Variants in COL5A2 observed in about 807,000 individuals in gnomAD.
COL5A2 encodes the protein collagen type V alpha 2 chain.
COL5A2 carries 23 observed loss-of-function variants against 208.2 expected under a neutral mutation model. That is an observed-to-expected ratio of 0.11 (90% CI 0.08 to 0.16). The LOEUF (loss-of-function observed/expected upper bound fraction) is 0.16. Among genes scored for constraint, COL5A2 ranks in the 10% least tolerant of loss-of-function variants. The pLI is 1.00. For missense variants in COL5A2, 1,590 were observed against 1,956.4 expected (o/e 0.81, Z 3.53); for synonymous variants, 625 against 628.5 (o/e 0.99, Z 0.08).
intron 1 of COL5A2, among the ~76,000 whole-genome samples, chr2:189,201,194 G>A (rs1178676592): frequency 1.3e-5 from 2 of 151,900 alleles, no homozygotes; most frequent in Non-Finnish European, 2.9e-5. Context: ...AAAAGGAATT[G>A]GAAAAATACT....
At chr2:189,096,567 A>C (rs970645647) in intron 6 of COL5A2, among the ~76,000 whole-genome samples, 2 of 147,694 alleles carry the variant, frequency 1.4e-5, no homozygotes, top group Non-Finnish European at 3.0e-5. Context: ...GCTTGCAGTG[A>C]GCCGAGATCA....
intron 8 of COL5A2, among the ~76,000 whole-genome samples, chr2:189,087,133 T>C (rs201112993): frequency 5.3e-5 from 8 of 152,170 alleles, no homozygotes; most frequent in Non-Finnish European, 8.8e-5. Flanking sequence ...AACTTCCTAT[T>C]TAATTCTTCA....
chr2:189,156,124 A>G (rs1373999208), intron 1 of COL5A2, among the ~76,000 whole-genome samples: 1 of 152,162 alleles, frequency 6.6e-6, no homozygotes, highest in African/African-American at 2.4e-5. Context: ...TGGCAATCAT[A>G]ATGTCATCTA....
chr2:189,242,784 G>C, the COL5A2 span, among the ~76,000 whole-genome samples: 1 of 152,170 alleles, frequency 6.6e-6, no homozygotes, highest in Non-Finnish European at 1.5e-5. Context: ...GGAATAAACA[G>C]GGGATAAGGA....
chr2:189,419,295 G>A, the COL5A2 span, among the ~76,000 whole-genome samples: 1,959 of 152,126 alleles, frequency 0.013, 52 homozygotes, highest in African/African-American at 0.044. Context: ...GCTAATTACA[G>A]TATTTTAACA....
the COL5A2 span, among the ~76,000 whole-genome samples, chr2:189,230,664 T>C: frequency 6.6e-6 from 1 of 151,838 alleles, no homozygotes; most frequent in Non-Finnish European, 1.5e-5. Context: ...AGATGACCAT[T>C]ATGTTTTTTA....
chr2:189,277,729 T>C, the COL5A2 span, among the ~76,000 whole-genome samples: 1 of 145,278 alleles, frequency 6.9e-6, no homozygotes, highest in Admixed American at 6.9e-5. Context: ...AGATCCAATG[T>C]CTTCATCACA....
the COL5A2 span, among the ~76,000 whole-genome samples, chr2:189,268,172 C>A: frequency 6.6e-6 from 1 of 152,058 alleles, no homozygotes; most frequent in Non-Finnish European, 1.5e-5. Flanking sequence ...AAAGGAAGTT[C>A]TTCATTAGTA....
At chr2:189,202,369 C>T (rs1019112516) in intron 1 of COL5A2, among the ~76,000 whole-genome samples, 1 of 152,034 alleles carries the variant, frequency 6.6e-6, no homozygotes, top group Non-Finnish European at 1.5e-5. Context: ...GATTATCAGA[C>T]CAGCAATAGA....
chr2:189,437,250 T>C, the COL5A2 span, among the ~76,000 whole-genome samples: 1 of 152,210 alleles, frequency 6.6e-6, no homozygotes, highest in Non-Finnish European at 1.5e-5. Context: ...AGGCACCAAC[T>C]GAGAGCCATT....
chr2:189,046,453 G>A (rs1056740730), intron 45 of COL5A2, among the ~76,000 whole-genome samples: 2 of 152,078 alleles, frequency 1.3e-5, no homozygotes, highest in African/African-American at 4.8e-5. Flanking sequence ...AATGTCCCAA[G>A]GAATAAATAC....
chr2:189,122,622 T>C (rs961201835), intron 1 of COL5A2, among the ~76,000 whole-genome samples: 7 of 152,330 alleles, frequency 4.6e-5, no homozygotes, highest in African/African-American at 1.7e-4. Context: ...ATTACACTTA[T>C]TGGTTTGTTT....
chr2:189,057,309 AAAG>A lies in COL5A2; in HGVS notation c.2337+8_2337+10del, dbSNP rs1212795212. ...TGAACTGAAAAAAAAAAAAAAAAAA[AAAG>A]GACTTACTCTGTCACCCTTGGGGCC... On this transcript the variant is annotated splice_region_variant and intron_variant, in intron 34 of 53. Transcript: ENST00000374866. The A allele has an allele frequency of 1.3e-6, 2 of 1,510,112 alleles. No homozygotes were observed. The highest frequency in any genetic ancestry group is 1.8e-6 in the Non-Finnish European group (2 of 1,105,926). The allele number at this position is 1,510,112 out of a possible 1,614,324, so 93.5% of individuals were successfully genotyped here.
At chr2:189,292,071 A>G in the COL5A2 span, among the ~76,000 whole-genome samples, 1 of 152,166 alleles carries the variant, frequency 6.6e-6, no homozygotes, top group Non-Finnish European at 1.5e-5. Context: ...GCATTTTCCT[A>G]GAGAGAAAAA....
At chr2:189,316,244 G>A in the COL5A2 span, among the ~76,000 whole-genome samples, 3 of 152,102 alleles carry the variant, frequency 2.0e-5, no homozygotes, top group African/African-American at 7.2e-5. Context: ...ATAAAAAAAT[G>A]TGGTACATAT....
At chr2:189,078,624 T>C (rs1686464014) in intron 15 of COL5A2, 55 bp from the exon 16 acceptor site, 1 of 1,337,020 alleles carries the variant, frequency 7.5e-7, no homozygotes. Context: ...AAATGTAGAG[T>C]AGTCTGACTA....
intron 1 of COL5A2, among the ~76,000 whole-genome samples, chr2:189,186,546 A>C (rs916391054): frequency 6.6e-6 from 1 of 152,218 alleles, no homozygotes; most frequent in African/African-American, 2.4e-5. Flanking sequence ...GAGGCTAATA[A>C]AAAAACTAAT....
the COL5A2 span, among the ~76,000 whole-genome samples, chr2:189,383,198 C>G: frequency 6.6e-6 from 1 of 152,180 alleles, no homozygotes; most frequent in East Asian, 1.9e-4. Flanking sequence ...AATTTTCTTT[C>G]TCACAGTTCT....
In COL5A2 at chr2:189,197,672, T is replaced by C. The variant is rs182876513; in HGVS notation, c.-42+27476A>G. ...AATGATCGTTAAACTAAGATTCAAA[T>C]GACAAAAAAAAAAGTAGCCAACTGT... On this transcript the variant is annotated intron_variant, in intron 1 of 10. Coordinates refer to the COL5A2 transcript ENST00000649966. Among the ~76,000 whole-genome samples, 24 of 149,542 alleles carry C rather than the reference T, an allele frequency of 1.6e-4. No individual in the cohort carries two copies. The East Asian group carries it at 4.5e-3, about 28-fold the overall frequency.
Sources: allele counts gnomAD v4.1 joint callset (sites outside exome capture counted in the v4.1 genomes callset), GRCh38; gene constraint gnomAD v4.1.1; transcripts MANE v1.5; gene names NCBI Gene and HGNC (gene_info 2026-07-23, HGNC 2026-07-21).